Variants in TTYH2 observed in about 807,000 individuals in gnomAD.
TTYH2 encodes protein tweety homolog 2.
A neutral mutation model predicts 68.3 loss-of-function variants in TTYH2; 49 were observed. The ratio of observed to expected loss-of-function variants is 0.72; its 90% CI spans 0.57 to 0.91. The LOEUF (loss-of-function observed/expected upper bound fraction) is 0.91. Ranked by LOEUF, TTYH2 falls within the 40% of genes least tolerant of loss-of-function variation. The probability of loss-of-function intolerance (pLI) is 0.00; values close to 1 mark genes in which losing one functional copy is unlikely to be tolerated. For missense variants in TTYH2, 631 were observed against 700.4 expected, an observed-to-expected ratio of 0.90 and a Z score of 1.12; for synonymous variants, 272 against 300.8, an observed-to-expected ratio of 0.90 and a Z score of 0.99.
intron 2 of TTYH2, among the ~76,000 whole-genome samples, chr17:74,224,051 G>T (rs2050305632): frequency 1.3e-5 from 2 of 152,244 alleles, no homozygotes; most frequent in Admixed American, 1.3e-4. Flanking sequence ...GACAGGCCGG[G>T]AGGTCACAGT....
chr17:74,260,034 C>G (rs114843505), intron 13 of TTYH2, 95 bp from the exon 14 acceptor site: 14 of 1,129,476 alleles, frequency 1.2e-5, no homozygotes, highest in African/African-American at 1.5e-5. Flanking sequence ...CTCTGACACC[C>G]GACCCAGTTC....
chr17:74,258,257 T>C (rs146328212), intron 13 of TTYH2, among the ~76,000 whole-genome samples: 13 of 152,152 alleles, frequency 8.5e-5, no homozygotes, highest in African/African-American at 3.1e-4. Flanking sequence ...AGTTGGAGCC[T>C]GGAGATGTGC....
chr17:74,245,038 G>A (rs1191035581), intron 6 of TTYH2, among the ~76,000 whole-genome samples: 3 of 152,182 alleles, frequency 2.0e-5, no homozygotes, highest in Admixed American at 1.3e-4. Context: ...AGGATAAGAT[G>A]GGGGTGGCTT....
intron 11 of TTYH2, among the ~76,000 whole-genome samples, chr17:74,252,669 G>A (rs2050645969): frequency 1.3e-5 from 2 of 152,212 alleles, no homozygotes; most frequent in Admixed American, 6.5e-5. Flanking sequence ...CCAGGACTTT[G>A]CGATCTGGAA....
In TTYH2 at chr17:74,243,517, CCAT is replaced by C. The variant is rs776104633; in HGVS notation, c.731+54_731+56del. 3.4e-5 allele frequency: 54 copies of C among 1,589,100 alleles called. No homozygotes were observed. In the African/African-American group the frequency reaches 6.5e-4, roughly 19 times the overall value. On this transcript the variant is annotated intron_variant, in intron 5 of 13. Coordinates refer to ENST00000269346, the MANE Select transcript of TTYH2 (RefSeq NM_032646.6). ...CTGGGACAAAGAGCTGGGCAGGATG[CCAT>C]CATCAGAGAGAGACGAGGGCCTGGC...
rs748261241 is a variant in TTYH2, at chr17:74,230,921, C to T, written c.336C>T (p.Ser112=). The T allele has an allele frequency of 5.2e-5, 84 of 1,613,962 alleles. No homozygotes were observed. In the East Asian group the frequency reaches 1.1e-3, roughly 21 times the overall value. Residue 112 remains serine, a synonymous_variant, in exon 3 of 14, where the codon AGC becomes AGT. Coordinates refer to ENST00000269346, the MANE Select transcript of TTYH2 (RefSeq NM_032646.6). ...TGGGCGTTGGTTTCTATGGAAACAG[C>T]GAGACCAACGATGGGGCGTACCAGC... ...AAVGVGFYGN[S]ETNDGAYQLM...
intron 2 of TTYH2, among the ~76,000 whole-genome samples, chr17:74,225,470 G>A (rs868704583): frequency 2.7e-4 from 41 of 152,170 alleles, no homozygotes; most frequent in African/African-American, 8.9e-4. Flanking sequence ...AGCGTGACCC[G>A]ATAACTCAAG....
rs188818000 is a variant in TTYH2 at position 74,253,708 on chromosome 17, C to A, written c.1446-47C>A. 6.5e-5 allele frequency: 104 copies of A among 1,589,486 alleles called. 1 individual carries two copies. In the African/African-American group the frequency reaches 1.3e-3, roughly 21 times the overall value. On this transcript the variant is annotated intron_variant, in intron 12 of 13. Transcript: ENST00000269346. ...CCTCCTGTAGAAATCTACACACACC[C>A]CCACTCCCACACCATCCCCTCCTGA...
chr17:74,261,881 A>G lies in TTYH2; in HGVS notation c.*1672A>G, dbSNP rs1043877683. On this transcript the variant is annotated 3_prime_UTR_variant, in exon 14 of 14. Coordinates refer to ENST00000269346, the MANE Select transcript of TTYH2 (RefSeq NM_032646.6). The stretch of plus-strand genomic sequence containing the variant: ...AAGTGTTGCTTCTTAAAGTTTCATT[A>G]TTGGCAACTAGAGGGTTGTTTTTAA... The G allele has an allele frequency of 1.3e-5, 2 of 152,468 alleles. No individual in the cohort carries two copies. The highest frequency in any genetic ancestry group is 4.8e-5 in the African/African-American group (2 of 41,440). 9.4% of individuals were successfully genotyped at this position (152,468 alleles called of 1,614,324 possible).
In TTYH2 at chr17:74,217,357, T is replaced by C. The variant is rs1468202044; in HGVS notation, c.129+3641T>C. On this transcript the variant is annotated intron_variant, in intron 1 of 13. Coordinates refer to ENST00000269346, the MANE Select transcript of TTYH2 (RefSeq NM_032646.6). This position sits in a 1 kb window ranked among gnomAD's most constrained non-coding sequence, Gnocchi z 4.0. The stretch of plus-strand genomic sequence containing the variant: ...TTGTATTTAGGCATGTATTTCCACG[T>C]GTTCTCTCATTGGTTGGTTCCGTTC... 1.3e-5 allele frequency among the ~76,000 whole-genome samples: 2 copies of C among 152,210 alleles called. No homozygotes were observed. Among genetic ancestry groups the C allele is most frequent in the Non-Finnish European group, 2.9e-5 (2 of 68,018 alleles).
At chr17:74,242,007 C>A (rs2143757667) in intron 4 of TTYH2, among the ~76,000 whole-genome samples, 1 of 152,254 alleles carries the variant, frequency 6.6e-6, no homozygotes, top group Middle Eastern at 3.4e-3. Flanking sequence ...GAGGGCAGGG[C>A]CTTTGAAGTC....
In TTYH2 at chr17:74,217,752, C is replaced by A. The variant is rs1198213955; in HGVS notation, c.129+4036C>A. On this transcript the variant is annotated intron_variant, in intron 1 of 13. Coordinates refer to ENST00000269346, the MANE Select transcript of TTYH2 (RefSeq NM_032646.6). This position sits in a 1 kb window ranked among gnomAD's most constrained non-coding sequence, Gnocchi z 4.0. ...CTGTTGCCCCCTCCCCTGCCCAGTG[C>A]AGAAGCCCCTTGGGTCCCGCTGCCA... 6.6e-6 allele frequency among the ~76,000 whole-genome samples: 1 copy of A among 152,230 alleles called. No individual in the cohort carries two copies. Among genetic ancestry groups the A allele is most frequent in the Admixed American group, 6.5e-5 (1 of 15,288 alleles).
chr17:74,219,387 CAAAAA>C (rs1031171600), intron 1 of TTYH2, among the ~76,000 whole-genome samples: 1 of 88,498 alleles, frequency 1.1e-5, no homozygotes, highest in African/African-American at 5.9e-5. Flanking sequence ...GACTCCGTGT[CAAAAA>C]AAAAAAAAAA....
chr17:74,224,064 A>G (rs1306282632), intron 2 of TTYH2, among the ~76,000 whole-genome samples: 1 of 152,200 alleles, frequency 6.6e-6, no homozygotes, highest in Non-Finnish European at 1.5e-5. Context: ...GTCACAGTCG[A>G]GTGCGGTTCC....
intron 6 of TTYH2, 55 bp from the exon 7 acceptor site, chr17:74,248,956 C>T: frequency 6.2e-7 from 1 of 1,611,916 alleles, no homozygotes; most frequent in African/African-American, 1.3e-5. Flanking sequence ...CTCCCAGGGC[C>T]CCGCTGTCCT....
At position 74,214,378 on chromosome 17, in the gene TTYH2, CTGTTGTCCTG is replaced by C. The variant is rs148665717; in HGVS notation, c.129+663_129+672del. Among the ~76,000 whole-genome samples, 1,259 of 152,288 alleles carry C rather than the reference CTGTTGTCCTG, an allele frequency of 8.3e-3. 14 individuals carry two copies. Among genetic ancestry groups the C allele is most frequent in the African/African-American group, 0.017 (709 of 41,552 alleles). On this transcript the variant is annotated intron_variant, in intron 1 of 13. Transcript: ENST00000269346. The surrounding 1 kb of genome is among the most constrained non-coding windows in gnomAD (Gnocchi z 4.6). ...GTGGCCTCCGTCAGCCCATCTCACA[CTGTTGTCCTG>C]AGGACCCCCTTGCATTGACAGTCAG...
At chr17:74,249,466 A>G in intron 8 of TTYH2, 67 bp downstream of exon 8, 1 of 1,559,198 alleles carries the variant, frequency 6.4e-7, no homozygotes, top group Non-Finnish European at 8.8e-7. Context: ...AAGCCTCACC[A>G]CTGACCAAGA....
At chr17:74,242,830 C>T (rs2050515532) in intron 4 of TTYH2, among the ~76,000 whole-genome samples, 1 of 152,134 alleles carries the variant, frequency 6.6e-6, no homozygotes, top group African/African-American at 2.4e-5. Flanking sequence ...AAACATCAGG[C>T]CTTGGCTGGT....
intron 4 of TTYH2, among the ~76,000 whole-genome samples, chr17:74,240,291 T>C (rs886835141): frequency 1.3e-5 from 2 of 152,100 alleles, no homozygotes; most frequent in Non-Finnish European, 2.9e-5. Flanking sequence ...ATACAAAAAT[T>C]AGCTGGACGT....
Sources: allele counts gnomAD v4.1 joint callset (sites outside exome capture counted in the v4.1 genomes callset), GRCh38; gene constraint gnomAD v4.1.1; non-coding constraint Gnocchi (gnomAD v3.1); transcripts MANE v1.5; gene names NCBI Gene and HGNC (gene_info 2026-07-23, HGNC 2026-07-21).